B3GAT2: variants seen among roughly 807,000 people sequenced by gnomAD.
B3GAT2 encodes the protein beta-1,3-glucuronyltransferase 2, also known as galactosylgalactosylxylosylprotein 3-beta-glucuronosyltransferase 2.
In B3GAT2, 26 loss-of-function variants were observed where a neutral mutation model predicts 27.8. The observed-to-expected ratio is 0.93, with a 90% CI of 0.68 to 1.30. The LOEUF (loss-of-function observed/expected upper bound fraction) is 1.30, where lower values mean the gene tolerates loss of function less well. Ranked by LOEUF, B3GAT2 falls within the 50% of genes most tolerant of loss-of-function variation. The pLI, the probability that B3GAT2 is intolerant of heterozygous loss-of-function variation, is 0.00. For synonymous variants in B3GAT2, 218 were observed against 195.1 expected (o/e 1.12, Z -0.98); for missense variants, 458 against 459.0 (o/e 1.00, Z 0.02).
intron 1 of B3GAT2, among the ~76,000 whole-genome samples, chr6:70,925,889 T>A (rs1772948049): frequency 6.6e-6 from 1 of 152,136 alleles, no homozygotes. Context: ...GGGAGACACC[T>A]CCCAGTAGGG....
rs1285563152 is a variant in B3GAT2 at position 70,858,241 on chromosome 6, T to TTACTTTCTA, written c.*3413_*3421dup. The TTACTTTCTA allele has an allele frequency of 5.6e-6, 9 of 1,600,134 alleles. No homozygotes were observed. Among genetic ancestry groups the TTACTTTCTA allele is most frequent in the Non-Finnish European group, 7.7e-6 (9 of 1,172,588 alleles). ...GGAGCCTCTCACAGGTAGGGGTCAT[T>TTACTTTCTA]TACTTTCTAGCTTCTCCCAAATCAA... is the stretch of plus-strand genomic sequence containing the variant. On this transcript the variant is annotated 3_prime_UTR_variant, in exon 4 of 4. Transcript: ENST00000230053.
At chr6:70,863,951 A>G (rs1425596139) in intron 2 of B3GAT2, among the ~76,000 whole-genome samples, 1 of 152,154 alleles carries the variant, frequency 6.6e-6, no homozygotes, top group African/African-American at 2.4e-5. Flanking sequence ...ACCTCAACAA[A>G]AGCCAGAGGT....
chr6:70,892,294 A>T (rs754026760), intron 2 of B3GAT2, among the ~76,000 whole-genome samples: 64 of 152,234 alleles, frequency 4.2e-4, no homozygotes, highest in Non-Finnish European at 4.6e-4. Context: ...TACATCTTTA[A>T]TTTTAGAAAT....
At chr6:70,937,180 C>T (rs1262500017) in intron 1 of B3GAT2, among the ~76,000 whole-genome samples, 2 of 152,100 alleles carry the variant, frequency 1.3e-5, no homozygotes, top group African/African-American at 2.4e-5. Flanking sequence ...TCGGCACATA[C>T]ACCCTCCCAA....
chr6:70,924,977 T>A (rs2150043285), intron 1 of B3GAT2, among the ~76,000 whole-genome samples: 1 of 152,346 alleles, frequency 6.6e-6, no homozygotes, highest in South Asian at 2.1e-4. Flanking sequence ...GAGATGTCTT[T>A]TCAGGCTTTT....
chr6:70,931,519 G>A (rs1430149977), intron 1 of B3GAT2, among the ~76,000 whole-genome samples: 2 of 152,112 alleles, frequency 1.3e-5, no homozygotes, highest in Non-Finnish European at 2.9e-5. Context: ...CCCATCAGGT[G>A]GTTATGCTCC....
chr6:70,909,668 T>A (rs990537264), intron 1 of B3GAT2, among the ~76,000 whole-genome samples: 1 of 152,184 alleles, frequency 6.6e-6, no homozygotes, highest in Admixed American at 6.5e-5. Context: ...GAATAAATGA[T>A]GTGTATTTAT....
In B3GAT2 at chr6:70,857,991, C is replaced by T. The variant is rs775846340; in HGVS notation, c.*3672G>A. On this transcript the variant is annotated 3_prime_UTR_variant, in exon 4 of 4. Transcript: ENST00000230053. ...CCAGCTGCATTTCAGGGCTTTCCATCGATGGGCGTGCCTGTGCCTGCAGCT... is the reference window on the plus strand; with the variant it reads ...CCAGCTGCATTTCAGGGCTTTCCATTGATGGGCGTGCCTGTGCCTGCAGCT... The T allele has an allele frequency of 5.6e-6, 9 of 1,614,144 alleles. No homozygotes were observed. The highest frequency in any genetic ancestry group is 2.2e-5 in the South Asian group (2 of 91,078).
chr6:70,880,039 G>T (rs971447597), intron 2 of B3GAT2, among the ~76,000 whole-genome samples: 9 of 139,188 alleles, frequency 6.5e-5, no homozygotes, highest in African/African-American at 2.3e-4. Context: ...TGTGGAGCTA[G>T]TTAGGAGGTT....
intron 1 of B3GAT2, among the ~76,000 whole-genome samples, chr6:70,912,755 C>T (rs899016462): frequency 6.6e-6 from 1 of 152,080 alleles, no homozygotes; most frequent in African/African-American, 2.4e-5. Context: ...GGTACCAGCT[C>T]TTCTTTATAC....
chr6:70,948,440 GACAA>G (rs1414712006), intron 1 of B3GAT2, among the ~76,000 whole-genome samples: 17 of 150,668 alleles, frequency 1.1e-4, no homozygotes, highest in African/African-American at 3.7e-4. Context: ...ACCAATAACA[GACAA>G]ACAGAGAGCC....
At chr6:70,892,161 T>C (rs1427494299) in intron 2 of B3GAT2, among the ~76,000 whole-genome samples, 1 of 152,190 alleles carries the variant, frequency 6.6e-6, no homozygotes, top group Non-Finnish European at 1.5e-5. Flanking sequence ...ATGGGTGTTT[T>C]TAATATGCTT....
At chr6:70,939,531 A>C (rs1273017410) in intron 1 of B3GAT2, among the ~76,000 whole-genome samples, 1 of 151,638 alleles carries the variant, frequency 6.6e-6, no homozygotes, top group African/African-American at 2.4e-5. Flanking sequence ...GATTAAGAAA[A>C]TGTGGCATAT....
In B3GAT2 at chr6:70,861,653, C is replaced by T; in HGVS notation, c.*10G>A. 6.2e-7 allele frequency: 1 copy of T among 1,611,258 alleles called. No individual in the cohort carries two copies. Among genetic ancestry groups the T allele is most frequent in the Non-Finnish European group, 8.5e-7 (1 of 1,177,628 alleles). ...CTGGCTGGACAAACTGCACCAGTTG[C>T]TGCTTCAATTTATACCTCAATTTTC... On this transcript the variant is annotated 3_prime_UTR_variant, in exon 4 of 4. Transcript: ENST00000230053.
At position 70,857,078 on chromosome 6, in the gene B3GAT2, C is replaced by G. The variant is rs776301142; in HGVS notation, c.*4585G>C. ...TTCAGTGACATTACTAGAAGTACAT[C>G]CTTTGTAATTATATAATAAGATCAA... On this transcript the variant is annotated 3_prime_UTR_variant, in exon 4 of 4. Transcript: ENST00000230053. 5 of 1,492,386 alleles carry G rather than the reference C, an allele frequency of 3.4e-6. No homozygotes were observed. In the African/African-American group the frequency reaches 4.2e-5, roughly 12 times the overall value. The allele number at this position is 1,492,386 out of a possible 1,614,324, so 92.4% of individuals were successfully genotyped here. A position where few individuals can be genotyped will look rare whatever the true frequency, so the allele number is the denominator to read the frequency against.
Position 70,894,244 on chromosome 6 carries a change from CAGACGG to C in B3GAT2, c.614_619del (p.Ser205_Val206del). Reference sequence around the variant, plus strand: ...CCGCCCACCAACCAGGCCCACAGGCCAGACGGAGACCTTGCGGGTGGTTCGCATCTA... The same window carrying C: ...CCGCCCACCAACCAGGCCCACAGGCCAGACCTTGCGGGTGGTTCGCATCTA... On this transcript the variant is annotated inframe_deletion, in exon 2 of 4. Transcript: ENST00000230053. 2 of 1,605,390 alleles carry C rather than the reference CAGACGG, an allele frequency of 1.2e-6. No homozygotes were observed. The highest frequency in any genetic ancestry group is 1.7e-6 in the Non-Finnish European group (2 of 1,176,524).
At chr6:70,920,410 T>C (rs1036228333) in intron 1 of B3GAT2, among the ~76,000 whole-genome samples, 5 of 152,228 alleles carry the variant, frequency 3.3e-5, no homozygotes, top group Non-Finnish European at 7.3e-5. Flanking sequence ...TGCTTCGGCT[T>C]GCCCTCCATG....
chr6:70,903,555 A>G (rs539207255), intron 1 of B3GAT2, among the ~76,000 whole-genome samples: 2 of 152,204 alleles, frequency 1.3e-5, no homozygotes, highest in African/African-American at 4.8e-5. Context: ...ATATGAATGG[A>G]CATTTCATCA....
intron 1 of B3GAT2, among the ~76,000 whole-genome samples, chr6:70,927,896 C>T (rs1772990626): frequency 6.6e-6 from 1 of 152,304 alleles, no homozygotes; most frequent in Non-Finnish European, 1.5e-5. Flanking sequence ...CTTCTCAGCA[C>T]CACATTGCAC....
Sources: gnomAD v4.1 joint callset for allele counts (sites outside exome capture counted in the v4.1 genomes callset) on GRCh38, gnomAD v4.1.1 for gene constraint, MANE v1.5 for transcripts, NCBI Gene and HGNC (gene_info 2026-07-23, HGNC 2026-07-21) for gene names.